Variants in MAGI1 observed in about 807,000 individuals in gnomAD.
MAGI1 encodes the protein membrane associated guanylate kinase, WW and PDZ domain containing 1.
A neutral mutation model predicts 139.9 loss-of-function variants in MAGI1; 58 were observed. The observed-to-expected ratio is 0.41, with a 90% CI of 0.34 to 0.52. The LOEUF is 0.52. Among genes scored for constraint, MAGI1 ranks in the 20% least tolerant of loss-of-function variants. The pLI is 0.12. For missense variants in MAGI1, 1,874 were observed against 1,901.6 expected, an observed-to-expected ratio of 0.99 and a Z score of 0.27; for synonymous variants, 812 against 737.9, an observed-to-expected ratio of 1.10 and a Z score of -1.63.
At chr3:65,433,759 T>G (rs1033091428) in intron 10 of MAGI1, among the ~76,000 whole-genome samples, 1 of 152,042 alleles carries the variant, frequency 6.6e-6, no homozygotes, top group Non-Finnish European at 1.5e-5. Context: ...TGCACCTGAA[T>G]GAACCTTAGG....
At chr3:65,998,017 C>T (rs530478181) in intron 1 of MAGI1, among the ~76,000 whole-genome samples, 6 of 149,584 alleles carry the variant, frequency 4.0e-5, no homozygotes, top group South Asian at 4.3e-4. Flanking sequence ...GCTGGAGAAA[C>T]GCTTGAACCC....
intron 14 of MAGI1, 96 bp downstream of exon 14, chr3:65,391,046 T>G (rs1943886413): frequency 1.1e-5 from 12 of 1,077,422 alleles, no homozygotes; most frequent in Admixed American, 2.1e-5. Flanking sequence ...TTACCCAGTT[T>G]ACACACTGCA....
intron 2 of MAGI1, among the ~76,000 whole-genome samples, chr3:65,601,980 G>A (rs1374269258): frequency 6.6e-6 from 1 of 152,100 alleles, no homozygotes; most frequent in Non-Finnish European, 1.5e-5. Flanking sequence ...ACAATACACA[G>A]ATGGCCAACA....
intron 2 of MAGI1, among the ~76,000 whole-genome samples, chr3:65,602,036 C>T (rs544715993): frequency 1.3e-5 from 2 of 152,102 alleles, no homozygotes. Context: ...AATGACATCC[C>T]ATTCATACCC....
At chr3:65,714,438 C>A (rs964703261) in intron 1 of MAGI1, among the ~76,000 whole-genome samples, 2 of 152,064 alleles carry the variant, frequency 1.3e-5, no homozygotes, top group African/African-American at 4.8e-5. Flanking sequence ...AAAGCAAACT[C>A]AGTGTGTACA....
In MAGI1 at chr3:65,999,273, C is replaced by T. The variant is rs548361008; in HGVS notation, c.313+38723G>A. Among the ~76,000 whole-genome samples, 9 of 152,136 alleles carry T rather than the reference C, an allele frequency of 5.9e-5. No individual in the cohort carries two copies. The East Asian group carries it at 1.7e-3, about 29-fold the overall frequency. ...CACCAGTGTGTGTTGAAAAGAAGCC[C>T]TTTTTCAATGAAATTATAATTTAGG... On this transcript the variant is annotated intron_variant, in intron 1 of 22. Transcript: ENST00000402939.
chr3:65,453,330 T>G lies in MAGI1; in HGVS notation c.970A>C (p.Lys324Gln). Reference sequence around the variant, plus strand: ...CGAGGGTCTAACCAAGATGTTGTTTTCGTGTTATGGCTGCAATCCAGAAAC... The same window carrying G: ...CGAGGGTCTAACCAAGATGTTGTTTGCGTGTTATGGCTGCAATCCAGAAAC... ...GEVYFIDHNTKTTSWLDPRCL... is the reference protein window; with the variant it reads ...GEVYFIDHNTQTTSWLDPRCL... The change falls in exon 6 of 23, where the codon AAA (lysine) becomes CAA (glutamine). Residue 324 changes from lysine (K) to glutamine (Q), a missense_variant. Lys to Gln is a moderately conservative substitution (Grantham distance 53). Transcript: ENST00000402939. 1.2e-6 allele frequency: 2 copies of G among 1,611,226 alleles called. No homozygotes were observed. The highest frequency in any genetic ancestry group is 8.5e-7 in the Non-Finnish European group (1 of 1,179,166).
intron 1 of MAGI1, among the ~76,000 whole-genome samples, chr3:65,979,395 G>A (rs748886625): frequency 2.0e-5 from 3 of 152,052 alleles, no homozygotes; most frequent in East Asian, 1.9e-4. Flanking sequence ...CTGAAAGCTC[G>A]CTGGGACATG....
chr3:65,777,354 G>A (rs1217925725), intron 1 of MAGI1, among the ~76,000 whole-genome samples: 4 of 152,030 alleles, frequency 2.6e-5, no homozygotes, highest in Non-Finnish European at 4.4e-5. Flanking sequence ...GTACTTAGAC[G>A]AATGACTGGA....
chr3:65,682,845 G>A (rs1018185396), intron 1 of MAGI1, among the ~76,000 whole-genome samples: 1 of 152,122 alleles, frequency 6.6e-6, no homozygotes, highest in East Asian at 1.9e-4. Context: ...TGAAAATACT[G>A]TGTATGACAG....
chr3:65,566,151 G>A (rs779810937), intron 2 of MAGI1, among the ~76,000 whole-genome samples: 16 of 151,882 alleles, frequency 1.1e-4, no homozygotes, highest in Non-Finnish European at 1.9e-4. Flanking sequence ...CTACTCGGGA[G>A]GCTGAGGCAG....
intron 1 of MAGI1, among the ~76,000 whole-genome samples, chr3:65,826,180 T>C (rs1240887468): frequency 6.6e-6 from 1 of 152,090 alleles, no homozygotes; most frequent in Non-Finnish European, 1.5e-5. Flanking sequence ...ACTGGAAGGA[T>C]TATGACTGAA....
intron 2 of MAGI1, among the ~76,000 whole-genome samples, chr3:65,531,701 G>A (rs1559644025): frequency 6.6e-6 from 1 of 152,080 alleles, no homozygotes; most frequent in Non-Finnish European, 1.5e-5. Context: ...CACGCCTTGG[G>A]GCCAGACTGC....
chr3:65,371,873 C>CCGGCTCCACTTCCAATTCTACTTCT, intron 18 of MAGI1: 1 of 441,024 alleles, frequency 2.3e-6, no homozygotes, highest in South Asian at 1.6e-5. Context: ...GTCACATCTT[C>CCGGCTCCACTTCCAATTCTACTTCT]CGGCTCCACT....
intron 2 of MAGI1, among the ~76,000 whole-genome samples, chr3:65,576,714 G>A (rs769036410): frequency 2.0e-5 from 3 of 152,056 alleles, no homozygotes; most frequent in Non-Finnish European, 4.4e-5. Context: ...GCCTCCTATT[G>A]ACTAAGCTCA....
At chr3:65,905,832 A>G (rs895099412) in intron 1 of MAGI1, among the ~76,000 whole-genome samples, 1 of 152,220 alleles carries the variant, frequency 6.6e-6, no homozygotes, top group Non-Finnish European at 1.5e-5. Context: ...ACTACACAGT[A>G]GTAAATGACT....
chr3:65,845,756 A>G (rs920530216), intron 1 of MAGI1, among the ~76,000 whole-genome samples: 8 of 152,170 alleles, frequency 5.3e-5, no homozygotes, highest in Non-Finnish European at 8.8e-5. Flanking sequence ...TTCCAGCCAC[A>G]CCTGTCTCGA....
rs575702734 is a variant in MAGI1, at chr3:65,706,850, C to A, written c.314-84762G>T. 2.6e-5 allele frequency among the ~76,000 whole-genome samples: 4 copies of A among 152,184 alleles called. No homozygotes were observed. The East Asian group carries it at 7.7e-4, about 29-fold the overall frequency. On this transcript the variant is annotated intron_variant, in intron 1 of 22. Transcript: ENST00000402939. ...TCTCAGCCATGGTAATAAGTTCCAGCATGTTATTTTAATTGCAACAGGAAG... is the reference window on the plus strand; with the variant it reads ...TCTCAGCCATGGTAATAAGTTCCAGAATGTTATTTTAATTGCAACAGGAAG...
intron 2 of MAGI1, among the ~76,000 whole-genome samples, chr3:65,620,162 C>T (rs1576502387): frequency 6.6e-6 from 1 of 152,150 alleles, no homozygotes; most frequent in Non-Finnish European, 1.5e-5. Flanking sequence ...GCTTCATCCC[C>T]ATTTCTTAAA....
Sources: gnomAD v4.1 joint callset for allele counts (sites outside exome capture counted in the v4.1 genomes callset) on GRCh38, gnomAD v4.1.1 for gene constraint, MANE v1.5 for transcripts, NCBI Gene and HGNC (gene_info 2026-07-23, HGNC 2026-07-21) for gene names.